The following PKIG variants were observed in gnomAD, a reference collection of about 807,000 sequenced individuals.
The protein encoded by PKIG is protein kinase (cAMP-dependent, catalytic) inhibitor gamma.
Under a neutral mutation model 6.8 loss-of-function variants are expected in PKIG, and 1 was observed. The ratio of observed to expected loss-of-function variants is 0.15; its 90% CI spans 0.05 to 0.69. The LOEUF is 0.69. Among genes scored for constraint, PKIG ranks in the 30% least tolerant of loss-of-function variants. The pLI is 0.82. For missense variants in PKIG, 77 were observed against 104.0 expected (o/e 0.74, Z 1.13); for synonymous variants, 39 against 43.0 (o/e 0.91, Z 0.36).
chr20:44,578,071 T>G (rs896195911), upstream of PKIG, among the ~76,000 whole-genome samples: 1 of 152,062 alleles, frequency 6.6e-6, no homozygotes, highest in African/African-American at 2.4e-5. Context: ...CCGGGCATGG[T>G]GGCTCATGCC....
chr20:44,582,331 T>C (rs957021757), upstream of PKIG, among the ~76,000 whole-genome samples: 1 of 152,148 alleles, frequency 6.6e-6, no homozygotes, highest in East Asian at 1.9e-4. Flanking sequence ...GGAAGCCTTT[T>C]GTCACTAAAG....
chr20:44,568,186 A>G (rs1369526310), intron 1 of PKIG, among the ~76,000 whole-genome samples: 1 of 152,212 alleles, frequency 6.6e-6, no homozygotes, highest in Non-Finnish European at 1.5e-5. Context: ...TCTCTCATTT[A>G]TAAGTCAGTG....
At chr20:44,577,800 T>A (rs1331141344), upstream of PKIG, among the ~76,000 whole-genome samples, 2 of 152,144 alleles carry the variant, frequency 1.3e-5, no homozygotes, top group African/African-American at 4.8e-5. Context: ...AATTTCTTTA[T>A]TCATATACTC....
chr20:44,547,557 G>A (rs1190161232), intron 1 of PKIG, among the ~76,000 whole-genome samples: 1 of 152,102 alleles, frequency 6.6e-6, no homozygotes, highest in African/African-American at 2.4e-5. Context: ...AAAGTGGGAA[G>A]AACAATGCCT....
At chr20:44,609,009 C>T (rs529551831) in intron 2 of PKIG, among the ~76,000 whole-genome samples, 15 of 152,272 alleles carry the variant, frequency 9.9e-5, no homozygotes, top group African/African-American at 3.1e-4. Flanking sequence ...TTGAGAATGA[C>T]CATTTTCTGA....
chr20:44,577,826 G>A (rs993104603), upstream of PKIG, among the ~76,000 whole-genome samples: 2 of 152,102 alleles, frequency 1.3e-5, no homozygotes, highest in African/African-American at 4.8e-5. Flanking sequence ...ACAGATATCC[G>A]TCAGTTGCTA....
intron 3 of PKIG, among the ~76,000 whole-genome samples, chr20:44,615,822 A>C (rs1363614127): frequency 6.6e-6 from 1 of 152,086 alleles, no homozygotes; most frequent in Non-Finnish European, 1.5e-5. Flanking sequence ...CAGCCCTCTC[A>C]TGTTACAGAT....
intron 1 of PKIG, among the ~76,000 whole-genome samples, chr20:44,550,409 A>G (rs2064657414): frequency 6.6e-6 from 1 of 152,072 alleles, no homozygotes; most frequent in South Asian, 2.1e-4. Context: ...ATTAACTGAA[A>G]AAAAAAATGG....
Position 44,618,411 on chromosome 20 carries a change from C to A in PKIG, c.*47C>A, listed in dbSNP as rs2065290954. 1 of 1,294,018 alleles carries A rather than the reference C, an allele frequency of 7.7e-7. No individual in the cohort carries two copies. Among genetic ancestry groups the A allele is most frequent in the Non-Finnish European group, 1.1e-6 (1 of 888,118 alleles). The allele number at this position is 1,294,018 out of a possible 1,614,324, so 80.2% of individuals were successfully genotyped here. ...CTGGACGAGAGACCTTCTGTCCCCTCCCAGAGGGGGAACCCTGGCACTGGC... is the reference window on the plus strand; with the variant it reads ...CTGGACGAGAGACCTTCTGTCCCCTACCAGAGGGGGAACCCTGGCACTGGC... On this transcript the variant is annotated 3_prime_UTR_variant, in exon 4 of 4. Coordinates refer to ENST00000372886, the MANE Select transcript of PKIG (RefSeq NM_001281445.2).
chr20:44,535,158 A>G (rs2064501065), intron 1 of PKIG, among the ~76,000 whole-genome samples: 1 of 152,228 alleles, frequency 6.6e-6, no homozygotes, highest in African/African-American at 2.4e-5. Context: ...ACTTAAAAAT[A>G]CATGTACCCA....
intron 2 of PKIG, among the ~76,000 whole-genome samples, chr20:44,599,264 T>C (rs1296317914): frequency 6.6e-6 from 1 of 152,234 alleles, no homozygotes; most frequent in Non-Finnish European, 1.5e-5. Flanking sequence ...ACTCCCCTGC[T>C]TTATAGCCTA....
chr20:44,600,082 T>C (rs1039874983), intron 2 of PKIG, among the ~76,000 whole-genome samples: 1 of 152,196 alleles, frequency 6.6e-6, no homozygotes, highest in African/African-American at 2.4e-5. Context: ...TAGGAGGCTC[T>C]ATAGGGAGCA....
chr20:44,569,443 G>A (rs1220428062), intron 1 of PKIG, among the ~76,000 whole-genome samples: 4 of 152,146 alleles, frequency 2.6e-5, no homozygotes, highest in South Asian at 2.1e-4. Flanking sequence ...AAGATATAGC[G>A]ATGAAAGTAA....
At chr20:44,587,013 T>TA (rs2123367805) in intron 1 of PKIG, among the ~76,000 whole-genome samples, 1 of 152,358 alleles carries the variant, frequency 6.6e-6, no homozygotes, top group African/African-American at 2.4e-5. Context: ...GGTGTATTCT[T>TA]ACTATGTCCC....
At chr20:44,606,018 A>T (rs1279271380) in intron 2 of PKIG, among the ~76,000 whole-genome samples, 2 of 152,244 alleles carry the variant, frequency 1.3e-5, no homozygotes, top group Non-Finnish European at 2.9e-5. Flanking sequence ...TAAAATAAAG[A>T]TCAATTTTAC....
chr20:44,558,035 T>C (rs1277439776), intron 1 of PKIG, among the ~76,000 whole-genome samples: 1 of 138,810 alleles, frequency 7.2e-6, no homozygotes, highest in African/African-American at 3.2e-5. Context: ...TCATTAGTAA[T>C]AAAACTTTGT....
intron 1 of PKIG, among the ~76,000 whole-genome samples, chr20:44,555,007 A>T (rs1310710176): frequency 6.6e-6 from 1 of 152,192 alleles, no homozygotes; most frequent in African/African-American, 2.4e-5. Context: ...TTGAAGCTTA[A>T]TATCATTTAA....
At chr20:44,593,254 C>T (rs866351643) in intron 2 of PKIG, among the ~76,000 whole-genome samples, 1 of 151,828 alleles carries the variant, frequency 6.6e-6, no homozygotes, top group African/African-American at 2.4e-5. Flanking sequence ...CACTTGAGCC[C>T]AGGCATCGCA....
At chr20:44,560,576 A>C (rs929687044) in intron 1 of PKIG, among the ~76,000 whole-genome samples, 3 of 152,210 alleles carry the variant, frequency 2.0e-5, no homozygotes, top group South Asian at 2.1e-4. Flanking sequence ...GTCTTCATAT[A>C]TGAGGACAGA....
Sources: allele counts gnomAD v4.1 joint callset (sites outside exome capture counted in the v4.1 genomes callset), GRCh38; gene constraint gnomAD v4.1.1; transcripts MANE v1.5; gene names NCBI Gene and HGNC (gene_info 2026-07-23, HGNC 2026-07-21).